The following BMPR1B variants were observed in gnomAD, a reference collection of about 807,000 sequenced individuals.
The protein encoded by BMPR1B is bone morphogenetic protein receptor type 1B.
Under a neutral mutation model 59.1 loss-of-function variants are expected in BMPR1B, and 12 were observed. The observed-to-expected ratio is 0.20, with a 90% CI of 0.13 to 0.33. The LOEUF (loss-of-function observed/expected upper bound fraction) is 0.33. BMPR1B is among the 10% of genes least tolerant of loss of function. The pLI is 1.00. For synonymous variants in BMPR1B, 237 were observed against 207.3 expected (o/e 1.14, Z -1.23); for missense variants, 550 against 610.9 (o/e 0.90, Z 1.05).
rs1731058738 is a variant in BMPR1B at position 95,104,478 on chromosome 4, T to C, written c.54T>C (p.Gly18=). 6.2e-7 allele frequency: 1 copy of C among 1,613,432 alleles called. No homozygotes were observed. Among genetic ancestry groups the C allele is most frequent in the Non-Finnish European group, 8.5e-7 (1 of 1,179,646 alleles). The part of the protein sequence containing the change: ...KLNVGTKKED[G]ESTAPTPRPK... ...ATGTGGGCACCAAGAAAGAGGATGG[T>C]GAGAGTACAGCCCCCACCCCCCGTC... The change falls in exon 4 of 13, where the codon GGT becomes GGC. Residue 18 remains glycine (G), a synonymous_variant. Coordinates refer to ENST00000515059, the MANE Select transcript of BMPR1B (RefSeq NM_001203.3).
At chr4:94,853,363 G>C (rs1031069424) in intron 1 of BMPR1B, among the ~76,000 whole-genome samples, 10 of 152,118 alleles carry the variant, frequency 6.6e-5, no homozygotes, top group Non-Finnish European at 1.2e-4. Context: ...AACCACTTAA[G>C]TGAATTTTAC....
intron 2 of BMPR1B, among the ~76,000 whole-genome samples, chr4:94,936,382 A>G (rs958346308): frequency 6.6e-6 from 1 of 152,210 alleles, no homozygotes; most frequent in African/African-American, 2.4e-5. Flanking sequence ...AAATAGGATG[A>G]GTGACTGTAG....
At chr4:94,790,773 T>G (rs1474058370) in intron 1 of BMPR1B, among the ~76,000 whole-genome samples, 4 of 152,202 alleles carry the variant, frequency 2.6e-5, no homozygotes, top group Admixed American at 2.6e-4. Flanking sequence ...TTTGGTAACT[T>G]TTAAATGAAA....
chr4:95,028,823 CAG>C (rs1321723637), intron 3 of BMPR1B, among the ~76,000 whole-genome samples: 3 of 151,648 alleles, frequency 2.0e-5, no homozygotes, highest in African/African-American at 7.3e-5. Flanking sequence ...GTTGATTAAA[CAG>C]AATTAAATAA....
intron 2 of BMPR1B, among the ~76,000 whole-genome samples, chr4:94,952,585 A>C (rs1729989427): frequency 6.6e-6 from 1 of 152,140 alleles, no homozygotes; most frequent in South Asian, 2.1e-4. Flanking sequence ...TGAGTTTCTT[A>C]ATTCTGAGTT....
intron 2 of BMPR1B, among the ~76,000 whole-genome samples, chr4:94,882,967 C>CGT (rs375751655): frequency 6.4e-4 from 87 of 136,828 alleles, no homozygotes; most frequent in Middle Eastern, 3.6e-3. Flanking sequence ...TGTGTGTGTG[C>CGT]GTGTGTGTGT....
intron 3 of BMPR1B, among the ~76,000 whole-genome samples, chr4:95,038,784 A>T (rs1194007139): frequency 6.6e-6 from 1 of 152,204 alleles, no homozygotes; most frequent in Admixed American, 6.5e-5. Flanking sequence ...GAGGACTCTG[A>T]AGTGCTTCCA....
intron 3 of BMPR1B, among the ~76,000 whole-genome samples, chr4:95,044,869 G>A (rs1172277270): frequency 6.6e-6 from 1 of 152,054 alleles, no homozygotes; most frequent in African/African-American, 2.4e-5. Context: ...GGGCTCTATT[G>A]TTAGTTTTTT....
At chr4:94,954,652 G>C (rs1194726827) in intron 2 of BMPR1B, among the ~76,000 whole-genome samples, 3 of 152,186 alleles carry the variant, frequency 2.0e-5, no homozygotes, top group African/African-American at 4.8e-5. Flanking sequence ...TTTATGAGCT[G>C]AGTGATCTTG....
chr4:95,098,556 T>C (rs1730593636), intron 3 of BMPR1B, among the ~76,000 whole-genome samples: 1 of 152,118 alleles, frequency 6.6e-6, no homozygotes, highest in Middle Eastern at 3.4e-3. Context: ...TTTACTTATT[T>C]ATTTATTTTT....
chr4:95,024,252 G>A (rs533971981), intron 3 of BMPR1B, among the ~76,000 whole-genome samples: 4 of 152,212 alleles, frequency 2.6e-5, no homozygotes, highest in African/African-American at 9.6e-5. Context: ...CTTTATTTTA[G>A]AAAGTTCCCT....
intron 1 of BMPR1B, among the ~76,000 whole-genome samples, chr4:94,837,353 T>G (rs925943105): frequency 1.4e-5 from 2 of 146,826 alleles, no homozygotes; most frequent in Non-Finnish European, 3.0e-5. Flanking sequence ...CCTTGGGCAG[T>G]ATGGCCATTT....
intron 2 of BMPR1B, among the ~76,000 whole-genome samples, chr4:94,933,216 A>G (rs1729161651): frequency 6.6e-6 from 1 of 152,040 alleles, no homozygotes; most frequent in South Asian, 2.1e-4. Flanking sequence ...GCCATAATCT[A>G]GGGATTTTAT....
intron 3 of BMPR1B, among the ~76,000 whole-genome samples, chr4:95,027,191 C>A (rs554618851): frequency 6.6e-6 from 1 of 152,208 alleles, no homozygotes; most frequent in South Asian, 2.1e-4. Context: ...TGTTTGTAAA[C>A]CATAATGAAA....
At chr4:94,802,469 A>G (rs1255745514) in intron 1 of BMPR1B, among the ~76,000 whole-genome samples, 1 of 152,164 alleles carries the variant, frequency 6.6e-6, no homozygotes, top group Non-Finnish European at 1.5e-5. Context: ...CAATGAAGAG[A>G]GAGATGAATA....
chr4:94,832,412 G>A (rs1283154226), intron 1 of BMPR1B, among the ~76,000 whole-genome samples: 2 of 152,088 alleles, frequency 1.3e-5, no homozygotes, highest in African/African-American at 4.8e-5. Context: ...AGTCCCCAGT[G>A]GTTAATAGAG....
intron 3 of BMPR1B, among the ~76,000 whole-genome samples, chr4:95,026,111 T>TTTCTTTCTTTCTTTTTTTCTTTCTTTCC (rs1724361922): frequency 1.5e-5 from 1 of 65,460 alleles, no homozygotes. Context: ...TCTTTCTTTC[T>TTTCTTTCTTTCTTTTTTTCTTTCTTTCC]TTCTTTCTTT....
At chr4:94,858,373 C>T (rs1005859819) in intron 1 of BMPR1B, among the ~76,000 whole-genome samples, 2 of 152,014 alleles carry the variant, frequency 1.3e-5, no homozygotes, top group South Asian at 4.2e-4. Context: ...AAATATATAG[C>T]AAGTAAAAAA....
intron 3 of BMPR1B, among the ~76,000 whole-genome samples, chr4:95,084,202 T>G (rs1729388699): frequency 6.6e-6 from 1 of 151,330 alleles, no homozygotes; most frequent in Non-Finnish European, 1.5e-5. Context: ...ATGATATATA[T>G]CTTTATATAC....
Sources: gnomAD v4.1 joint callset for allele counts (sites outside exome capture counted in the v4.1 genomes callset) on GRCh38, gnomAD v4.1.1 for gene constraint, MANE v1.5 for transcripts, NCBI Gene and HGNC (gene_info 2026-07-23, HGNC 2026-07-21) for gene names.